Variants in SLC68A1 observed in about 807,000 individuals in gnomAD.
SLC68A1 encodes solute carrier family 68 member 1, also known as major facilitator superfamily domain containing 13A.
At chr10:102,471,469 T>C in the SLC68A1 span, 2 of 1,575,966 alleles carry the variant, frequency 1.3e-6, no homozygotes, top group Admixed American at 3.4e-5. Flanking sequence ...CCTCAAGAGC[T>C]GGGAACTTGG....
the SLC68A1 span, chr10:102,474,056 GCA>G: frequency 6.6e-7 from 1 of 1,524,378 alleles, no homozygotes; most frequent in Non-Finnish European, 8.8e-7. Context: ...GCTCCAGGGG[GCA>G]CAGCTTACCT....
the SLC68A1 span, among the ~76,000 whole-genome samples, chr10:102,467,942 C>G: frequency 9.2e-5 from 14 of 152,154 alleles, no homozygotes; most frequent in African/African-American, 3.4e-4. Flanking sequence ...CAGGCGTGAG[C>G]CACGGCACCC....
the SLC68A1 span, chr10:102,469,827 C>G: frequency 2.8e-4 from 278 of 985,332 alleles, 3 homozygotes; most frequent in African/African-American, 3.7e-3. Context: ...TGTGAGCCAC[C>G]AGCGCCTGGC....
the SLC68A1 span, among the ~76,000 whole-genome samples, chr10:102,467,340 A>G: frequency 3.3e-5 from 5 of 152,142 alleles, no homozygotes; most frequent in Non-Finnish European, 1.5e-5. Context: ...CCAGCCCCAT[A>G]TGTCTTTTTA....
chr10:102,475,258 T>C, the SLC68A1 span, among the ~76,000 whole-genome samples: 1 of 151,850 alleles, frequency 6.6e-6, no homozygotes, highest in Non-Finnish European at 1.5e-5. Context: ...ATCGTGCTAC[T>C]TCACTCCAGC....
At chr10:102,464,295 A>C in the SLC68A1 span, among the ~76,000 whole-genome samples, 1 of 152,170 alleles carries the variant, frequency 6.6e-6, no homozygotes, top group South Asian at 2.1e-4. Flanking sequence ...TACAAAAAAT[A>C]CAAAAATTAG....
At chr10:102,476,052 G>GTTTTT in the SLC68A1 span, 32,800 of 736,322 alleles carry the variant, frequency 0.045, 4,365 homozygotes, top group Admixed American at 0.17. Flanking sequence ...GTTTTTTTTG[G>GTTTTT]TTTTTTTTTT....
the SLC68A1 span, chr10:102,473,613 G>A: frequency 5.0e-6 from 8 of 1,613,738 alleles, no homozygotes; most frequent in Admixed American, 1.3e-4. Context: ...TCTACTTCCT[G>A]TCCCTGTGCC....
the SLC68A1 span, chr10:102,471,452 A>T: frequency 1.9e-6 from 3 of 1,589,592 alleles, no homozygotes; most frequent in Non-Finnish European, 2.6e-6. Flanking sequence ...ACTCAAGGGG[A>T]CAGACTCCTC....
chr10:102,467,212 T>C, the SLC68A1 span, among the ~76,000 whole-genome samples: 1 of 152,124 alleles, frequency 6.6e-6, no homozygotes. Flanking sequence ...ATTTTTGTAT[T>C]TTTAGTAGAG....
the SLC68A1 span, among the ~76,000 whole-genome samples, chr10:102,462,357 T>G: frequency 6.6e-6 from 1 of 152,232 alleles, no homozygotes; most frequent in Non-Finnish European, 1.5e-5. Flanking sequence ...GATGTAGGAA[T>G]AGACTCAGAT....
the SLC68A1 span, chr10:102,473,490 C>T: frequency 7.1e-6 from 10 of 1,401,396 alleles, no homozygotes; most frequent in Non-Finnish European, 6.8e-6. Context: ...TACAGGAATG[C>T]AGTCGGCTGT....
the SLC68A1 span, chr10:102,469,281 G>A: frequency 3.5e-6 from 5 of 1,423,168 alleles, no homozygotes; most frequent in Non-Finnish European, 3.9e-6. Context: ...CAGATTGCAG[G>A]TGCCTGGTCC....
the SLC68A1 span, among the ~76,000 whole-genome samples, chr10:102,475,419 G>A: frequency 2.0e-5 from 3 of 152,346 alleles, no homozygotes; most frequent in East Asian, 1.9e-4. Flanking sequence ...GGCCAGGGTG[G>A]TGGCAGGTGG....
the SLC68A1 span, chr10:102,469,284 C>A: frequency 2.2e-6 from 3 of 1,359,102 alleles, no homozygotes; most frequent in East Asian, 6.9e-5. Context: ...ATTGCAGGTG[C>A]CTGGTCCCAC....
the SLC68A1 span, chr10:102,471,277 T>C: frequency 6.2e-7 from 1 of 1,613,636 alleles, no homozygotes; most frequent in Admixed American, 1.7e-5. Context: ...CCATAGCCTG[T>C]GTGGAGAGGA....
the SLC68A1 span, chr10:102,468,719 G>A: frequency 3.6e-6 from 1 of 274,832 alleles, no homozygotes; most frequent in African/African-American, 2.2e-5. Flanking sequence ...ACCTGGCTCA[G>A]CACTTGCTGG....
chr10:102,468,653 C>T, the SLC68A1 span: 103 of 177,008 alleles, frequency 5.8e-4, no homozygotes, highest in Admixed American at 8.9e-4. Context: ...GGCAACAGAG[C>T]GAGACTCTGT....
the SLC68A1 span, among the ~76,000 whole-genome samples, chr10:102,466,391 G>A: frequency 5.3e-5 from 8 of 150,900 alleles, no homozygotes; most frequent in Admixed American, 3.3e-4. Flanking sequence ...GCTGAGGTGG[G>A]AGAATTGCTT....
Sources: gnomAD v4.1 joint callset for allele counts (sites outside exome capture counted in the v4.1 genomes callset) on GRCh38, gnomAD v4.1.1 for gene constraint, MANE v1.5 for transcripts, NCBI Gene and HGNC (gene_info 2026-07-23, HGNC 2026-07-21) for gene names.